SYCP2: variants seen among roughly 807,000 people sequenced by gnomAD.
SYCP2 encodes the protein synaptonemal complex lateral element protein.
Under a neutral mutation model 211.3 loss-of-function variants are expected in SYCP2, and 55 were observed. The ratio of observed to expected loss-of-function variants is 0.26; its 90% confidence interval spans 0.21 to 0.33. SYCP2 has a LOEUF of 0.33. SYCP2 is among the 10% of genes least tolerant of loss of function. The probability of loss-of-function intolerance (pLI) is 1.00; values close to 1 mark genes in which losing one functional copy is unlikely to be tolerated. For synonymous variants in SYCP2, 570 were observed against 555.2 expected (o/e 1.03, Z -0.37); for missense variants, 1,731 against 1,752.0 (o/e 0.99, Z 0.21).
intron 24 of SYCP2, among the ~76,000 whole-genome samples, chr20:59,888,440 T>C (rs2059838507): frequency 6.6e-6 from 1 of 151,828 alleles, no homozygotes; most frequent in African/African-American, 2.4e-5. Flanking sequence ...TCTAACAAAA[T>C]CCAACACAGA....
intron 1 of SYCP2, 24 bp from the exon 2 acceptor site, chr20:59,932,178 G>A (rs962519971): frequency 1.8e-4 from 28 of 152,042 alleles, no homozygotes; most frequent in Admixed American, 1.8e-3. Context: ...AAAGCGTTAC[G>A]GATAAAAACA....
At chr20:59,877,685 A>G in intron 32 of SYCP2, 130 bp from the exon 33 acceptor site, 1 of 765,446 alleles carries the variant, frequency 1.3e-6, no homozygotes, top group Non-Finnish European at 2.1e-6. Flanking sequence ...TGATTAACAT[A>G]CTTTAAATTA....
At chr20:59,925,718 C>A (rs754996678) in intron 2 of SYCP2, among the ~76,000 whole-genome samples, 1 of 151,958 alleles carries the variant, frequency 6.6e-6, no homozygotes. Context: ...TCTTTGATTC[C>A]TAAATGTTTT....
intron 20 of SYCP2, 55 bp downstream of exon 20, chr20:59,895,382 T>C (rs1383620200): frequency 6.8e-7 from 1 of 1,477,520 alleles, no homozygotes; most frequent in African/African-American, 1.4e-5. Context: ...GCTCAATACA[T>C]ATTTCCACAA....
rs367641568 is a variant in SYCP2 at position 59,917,051 on chromosome 20, C to G, written c.428-480G>C. Reference sequence around the variant, plus strand: ...ACTTGGCCTTGCAAAAAACACCACTCAACAAATGTGACTGATTTTAATACT... The same window carrying G: ...ACTTGGCCTTGCAAAAAACACCACTGAACAAATGTGACTGATTTTAATACT... On this transcript the variant is annotated intron_variant, in intron 7 of 44. Coordinates refer to ENST00000357552, the MANE Select transcript of SYCP2 (RefSeq NM_014258.4). 1.1e-4 allele frequency among the ~76,000 whole-genome samples: 16 copies of G among 152,202 alleles called. No homozygotes were observed. The South Asian group carries it at 3.1e-3, about 30-fold the overall frequency.
At chr20:59,928,483 A>C (rs2060674257) in intron 2 of SYCP2, among the ~76,000 whole-genome samples, 1 of 152,176 alleles carries the variant, frequency 6.6e-6, no homozygotes, top group Non-Finnish European at 1.5e-5. Context: ...ATTCTTTTAA[A>C]ACATGTATGG....
chr20:59,876,261 C>T (rs2059552013), intron 33 of SYCP2, among the ~76,000 whole-genome samples: 1 of 150,872 alleles, frequency 6.6e-6, no homozygotes, highest in Admixed American at 6.6e-5. Context: ...GTCCCAGCTA[C>T]TAGGCAGGCT....
Position 59,912,397 on chromosome 20 carries a change from TA to T in SYCP2, c.851del (p.Leu284TyrfsTer62). The T allele has an allele frequency of 9.2e-7, 1 of 1,087,430 alleles. No individual in the cohort carries two copies. Among genetic ancestry groups the T allele is most frequent in the African/African-American group, 1.6e-5 (1 of 61,952 alleles). The allele number at this position is 1,087,430 out of a possible 1,614,324, so 67.4% of individuals were successfully genotyped here. ...CCTCATATTTATCAAGAAATGCTGATAAACAAGGAAATGTAAAGACCCTGAA... is the reference window on the plus strand; with the variant it reads ...CCTCATATTTATCAAGAAATGCTGATAACAAGGAAATGTAAAGACCCTGAA... ...DKRRVFTFPC[L>X]SAFLDKYELQ... On this transcript the variant is annotated frameshift_variant, in exon 13 of 45. Coordinates refer to ENST00000357552, the MANE Select transcript of SYCP2 (RefSeq NM_014258.4). LOFTEE classifies it high-confidence loss of function.
intron 18 of SYCP2, 106 bp downstream of exon 18, chr20:59,900,032 C>G (rs762108418): frequency 8.2e-7 from 1 of 1,217,162 alleles, no homozygotes; most frequent in Non-Finnish European, 1.2e-6. Flanking sequence ...TGTGATTGAT[C>G]AAGGCCAATA....
At chr20:59,901,618 A>G (rs1191492127) in intron 16 of SYCP2, 44 bp downstream of exon 16, 2 of 1,197,580 alleles carry the variant, frequency 1.7e-6, no homozygotes, top group Non-Finnish European at 2.3e-6. Context: ...AACTGTTTCC[A>G]GAATTATGAA....
Position 59,919,599 on chromosome 20 carries a change from T to TA in SYCP2, c.298-3dup, listed in dbSNP as rs752295944. On this transcript the variant is annotated splice_region_variant and splice_polypyrimidine_tract_variant and intron_variant, in intron 5 of 44. Transcript: ENST00000357552. ...GGATTTTTCAAACCAGGCAACCATG[T>TA]AAAAAAAGGAATGAACTTATTAGAG... 21 of 1,578,852 alleles carry TA rather than the reference T, an allele frequency of 1.3e-5. No individual in the cohort carries two copies. Among genetic ancestry groups the TA allele is most frequent in the African/African-American group, 6.8e-5 (5 of 73,488 alleles).
At chr20:59,883,122 G>A (rs1223059711) in intron 26 of SYCP2, among the ~76,000 whole-genome samples, 1 of 152,180 alleles carries the variant, frequency 6.6e-6, no homozygotes, top group Non-Finnish European at 1.5e-5. Flanking sequence ...GCCAAGGTGG[G>A]TGGGTCACCT....
chr20:59,933,168 C>A (rs1479103455), intron 1 of SYCP2: 5 of 152,298 alleles, frequency 3.3e-5, no homozygotes, highest in Non-Finnish European at 5.9e-5. Context: ...CTCGGGCCGG[C>A]GACGCGCGCA....
chr20:59,923,049 A>G (rs200646821), intron 2 of SYCP2, among the ~76,000 whole-genome samples: 1 of 152,056 alleles, frequency 6.6e-6, no homozygotes, highest in East Asian at 1.9e-4. Context: ...CTGGGTCCTT[A>G]AAGACCATGG....
chr20:59,921,248 C>T, intron 4 of SYCP2, 62 bp downstream of exon 4: 3 of 1,439,632 alleles, frequency 2.1e-6, no homozygotes, highest in East Asian at 2.5e-5. Flanking sequence ...GGAGTACTTC[C>T]TTCTAAAACT....
chr20:59,921,860 G>A (rs1375942903), intron 3 of SYCP2, among the ~76,000 whole-genome samples: 1 of 151,104 alleles, frequency 6.6e-6, no homozygotes, highest in African/African-American at 2.4e-5. Context: ...ATAAAGACAG[G>A]CAAAAGCACC....
At chr20:59,890,861 A>T (rs2059892806) in intron 24 of SYCP2, among the ~76,000 whole-genome samples, 1 of 151,986 alleles carries the variant, frequency 6.6e-6, no homozygotes, top group Non-Finnish European at 1.5e-5. Flanking sequence ...TTGTTCGGAC[A>T]AAAAGAACCT....
At chr20:59,919,796 A>C (rs2060507635) in intron 5 of SYCP2, among the ~76,000 whole-genome samples, 199 bp from the exon 6 acceptor site, 1 of 151,676 alleles carries the variant, frequency 6.6e-6, no homozygotes, top group Non-Finnish European at 1.5e-5. Context: ...TAAAATGGGA[A>C]TAGATGAAGT....
At chr20:59,893,491 A>G in intron 21 of SYCP2, 33 bp downstream of exon 21, 1 of 1,431,550 alleles carries the variant, frequency 7.0e-7, no homozygotes, top group Non-Finnish European at 9.8e-7. Context: ...ATTTTCTTAA[A>G]AAAATGACTA....
Sources: gnomAD v4.1 joint callset for allele counts (sites outside exome capture counted in the v4.1 genomes callset) on GRCh38, gnomAD v4.1.1 for gene constraint, MANE v1.5 for transcripts, NCBI Gene and HGNC (gene_info 2026-07-23, HGNC 2026-07-21) for gene names.